The following GBA2 variants were observed in gnomAD, a reference collection of about 807,000 sequenced individuals.
GBA2 encodes glucosylceramidase beta 2.
GBA2 carries 79 observed loss-of-function variants against 112.9 expected under a neutral mutation model. The ratio of observed to expected loss-of-function variants is 0.70; its 90% CI spans 0.58 to 0.84. The LOEUF (loss-of-function observed/expected upper bound fraction) is 0.84, where lower values mean the gene tolerates loss of function less well. Ranked by LOEUF, GBA2 falls within the 40% of genes least tolerant of loss-of-function variation. The pLI, the probability that GBA2 is intolerant of heterozygous loss-of-function variation, is 0.00. For missense variants in GBA2, 1,043 were observed against 1,190.0 expected (o/e 0.88, Z 1.82); for synonymous variants, 403 against 434.3 (o/e 0.93, Z 0.90).
In GBA2 at chr9:35,739,167, A is replaced by G. The variant is rs193035290; in HGVS notation, c.1688-58T>C. On this transcript the variant is annotated intron_variant, in intron 10 of 16. Coordinates refer to ENST00000378103, the MANE Select transcript of GBA2 (RefSeq NM_020944.3). ...TGGGCATGCCTGAGGAGGGGCACACAGCTATGTGTGTGACTGCAGTGGGGA... is the reference window on the plus strand; with the variant it reads ...TGGGCATGCCTGAGGAGGGGCACACGGCTATGTGTGTGACTGCAGTGGGGA... 2.2e-4 allele frequency: 257 copies of G among 1,194,648 alleles called. 1 individual carries two copies. The African/African-American group carries it at 3.0e-3, about 14-fold the overall frequency. 74.0% of individuals were successfully genotyped at this position (1,194,648 alleles called of 1,614,324 possible).
At position 35,740,393 on chromosome 9, in the gene GBA2, G is replaced by A. The variant is rs1311840855; in HGVS notation, c.1130-31C>T. On this transcript the variant is annotated intron_variant, in intron 6 of 16. Transcript: ENST00000378103. The surrounding 1 kb of genome is among the most constrained non-coding windows in gnomAD (Gnocchi z 4.7). ...AGAAACACAAGAGAATTCAGGACAGGAGCCCCTTCAGCCCCAGGGATAGGG... is the reference window on the plus strand; with the variant it reads ...AGAAACACAAGAGAATTCAGGACAGAAGCCCCTTCAGCCCCAGGGATAGGG... The A allele has an allele frequency of 1.9e-6, 3 of 1,609,120 alleles. No homozygotes were observed. The highest frequency in any genetic ancestry group is 1.7e-6 in the Non-Finnish European group (2 of 1,178,090).
chr9:35,745,847 A>G (rs1826945009), intron 1 of GBA2, among the ~76,000 whole-genome samples: 1 of 152,130 alleles, frequency 6.6e-6, no homozygotes, highest in African/African-American at 2.4e-5. Context: ...CTGCCACATT[A>G]TGCCTACTGT....
chr9:35,747,128 A>C (rs1827007813), intron 1 of GBA2, among the ~76,000 whole-genome samples: 1 of 152,080 alleles, frequency 6.6e-6, no homozygotes, highest in African/African-American at 2.4e-5. Context: ...CTATTCCAAA[A>C]GCCTTGTATC....
intron 8 of GBA2, 76 bp downstream of exon 8, chr9:35,739,922 G>T: frequency 6.4e-7 from 1 of 1,573,566 alleles, no homozygotes; most frequent in Non-Finnish European, 8.7e-7. Flanking sequence ...TGACTTTGGT[G>T]GGTGGAGAGT....
chr9:35,742,417 G>A (rs1379491014), intron 3 of GBA2, among the ~76,000 whole-genome samples: 5 of 152,102 alleles, frequency 3.3e-5, no homozygotes, highest in South Asian at 2.1e-4. Context: ...ATGCTTGTTC[G>A]CTATCTGGTG....
In GBA2 at chr9:35,748,929, T is replaced by C. The variant is rs1827148738; in HGVS notation, c.-225A>G. The C allele has an allele frequency of 6.9e-6, 3 of 437,620 alleles. No homozygotes were observed. The highest frequency in any genetic ancestry group is 3.6e-5 in the East Asian group (1 of 28,124). 27.1% of individuals were successfully genotyped at this position (437,620 alleles called of 1,614,324 possible). A position where few individuals can be genotyped will look rare whatever the true frequency, so the allele number is the denominator to read the frequency against. ...CTCCTTCGGTTGTCTCTGTAGGTCC[T>C]GGACGGGAAGGGTCGGGCCTCGTCG... On this transcript the variant is annotated 5_prime_UTR_variant, in exon 1 of 17. Coordinates refer to ENST00000378103, the MANE Select transcript of GBA2 (RefSeq NM_020944.3).
rs1297303518 is a variant in GBA2, at chr9:35,748,332, T to C, written c.359+14A>G. ...GTGAAGCCAAAGGCATTCTAGGCAA[T>C]GGGGTCTACTCACCTCAAGCCCATG... On this transcript the variant is annotated intron_variant, in intron 1 of 16. Coordinates refer to ENST00000378103, the MANE Select transcript of GBA2 (RefSeq NM_020944.3). 2.7e-6 allele frequency: 4 copies of C among 1,480,244 alleles called. No homozygotes were observed. 91.7% of individuals were successfully genotyped at this position (1,480,244 alleles called of 1,614,324 possible). A position where few individuals can be genotyped will look rare whatever the true frequency, so the allele number is the denominator to read the frequency against.
In GBA2 at chr9:35,738,110, C is replaced by T. The variant is rs62637647; in HGVS notation, c.2240G>A (p.Arg747His). Residue 747 changes from arginine to histidine, a missense_variant, in exon 15 of 17, where the codon CGT becomes CAT. Physicochemically the swap from Arg to His is conservative, Grantham distance 29. Coordinates refer to ENST00000378103, the MANE Select transcript of GBA2 (RefSeq NM_020944.3). Reference sequence around the variant, plus strand: ...AGCACACTGGTCAGACATAACACTACGAGACTGAGGCCGAGAGCTGCTGTC... The same window carrying T: ...AGCACACTGGTCAGACATAACACTATGAGACTGAGGCCGAGAGCTGCTGTC... ...NYDSSSRPQSRSVMSDQCAGQ... is the reference protein window; with the variant it reads ...NYDSSSRPQSHSVMSDQCAGQ... 55 of 1,613,904 alleles carry T rather than the reference C, an allele frequency of 3.4e-5. No individual in the cohort carries two copies. Among genetic ancestry groups the T allele is most frequent in the South Asian group, 1.9e-4 (17 of 91,076 alleles).
At chr9:35,738,412 C>T (rs1588005749) in intron 13 of GBA2, 38 bp from the exon 14 acceptor site, 1 of 1,607,356 alleles carries the variant, frequency 6.2e-7, no homozygotes, top group Non-Finnish European at 8.5e-7. Context: ...AGACTGGCAG[C>T]TCCAGCTGCT....
chr9:35,738,010 C>G (rs375817378), intron 15 of GBA2, 27 bp downstream of exon 15: 373 of 1,593,042 alleles, frequency 2.3e-4, no homozygotes, highest in Non-Finnish European at 3.1e-4. Context: ...CCATTTTTCT[C>G]TCTGGCTGCT....
chr9:35,741,359 A>G lies in GBA2; in HGVS notation c.787-295T>C, dbSNP rs1374171655. 7.9e-6 allele frequency: 4 copies of G among 509,478 alleles called. No individual in the cohort carries two copies. The highest frequency in any genetic ancestry group is 1.4e-5 in the Non-Finnish European group (4 of 287,204). The allele number at this position is 509,478 out of a possible 1,614,324, so 31.6% of individuals were successfully genotyped here. A position where few individuals can be genotyped will look rare whatever the true frequency, so the allele number is the denominator to read the frequency against. On this transcript the variant is annotated intron_variant, in intron 4 of 16. Coordinates refer to ENST00000378103, the MANE Select transcript of GBA2 (RefSeq NM_020944.3). The surrounding 1 kb of genome is among the most constrained non-coding windows in gnomAD (Gnocchi z 4.6). ...TTTTTTTGGGGGGTGCGGTGGCGCA[A>G]TCTCGGCTCACTGCAAGCTCCGCCT...
Position 35,740,225 on chromosome 9 carries a change from C to G in GBA2, c.1267G>C (p.Gly423Arg), listed in dbSNP as rs79325774. The G allele has an allele frequency of 1.2e-6, 2 of 1,614,110 alleles. No individual in the cohort carries two copies. The highest frequency in any genetic ancestry group is 2.2e-5 in the South Asian group (2 of 91,088). ...DMPRIMFGAK[G>R]QVHYRRYTRF... The stretch of plus-strand genomic sequence containing the variant: ...TCCCCTCACCTGTAGTGGACTTGGC[C>G]TTTAGCTCCAAACATGATCCTGGGC... Residue 423 changes from glycine (G) to arginine (R), a missense_variant, in exon 7 of 17, where the codon GGC becomes CGC. By Grantham distance (125) the Gly-to-Arg change is moderately radical. Coordinates refer to ENST00000378103, the MANE Select transcript of GBA2 (RefSeq NM_020944.3). The surrounding 1 kb of genome is among the most constrained non-coding windows in gnomAD (Gnocchi z 4.7).
In GBA2 at chr9:35,741,329, T is replaced by C. The variant is rs544210566; in HGVS notation, c.787-265A>G. 1 of 491,596 alleles carries C rather than the reference T, an allele frequency of 2.0e-6. No individual in the cohort carries two copies. Among genetic ancestry groups the C allele is most frequent in the Non-Finnish European group, 3.6e-6 (1 of 277,890 alleles). The allele number at this position is 491,596 out of a possible 1,614,324, so 30.5% of individuals were successfully genotyped here. On this transcript the variant is annotated intron_variant, in intron 4 of 16. Transcript: ENST00000378103. The surrounding 1 kb of genome is among the most constrained non-coding windows in gnomAD (Gnocchi z 4.6). Reference sequence around the variant, plus strand: ...CTTTCACAGGCCATGCAGTTTCTTTTTTTTTTTTTTTGGGGGGTGCGGTGG... The same window carrying C: ...CTTTCACAGGCCATGCAGTTTCTTTCTTTTTTTTTTTGGGGGGTGCGGTGG...
Position 35,746,852 on chromosome 9 carries a change from T to C in GBA2, c.359+1494A>G, listed in dbSNP as rs1320406637. On this transcript the variant is annotated intron_variant, in intron 1 of 16. Transcript: ENST00000378103. This position sits in a 1 kb window ranked among gnomAD's most constrained non-coding sequence, Gnocchi z 5.2. Reference sequence around the variant, plus strand: ...GCATGGAACAAGCACTCAATAAATATTTATTGAATGAGTGGACTCTGGCTG... The same window carrying C: ...GCATGGAACAAGCACTCAATAAATACTTATTGAATGAGTGGACTCTGGCTG... Among the ~76,000 whole-genome samples the C allele has an allele frequency of 1.3e-5, 2 of 152,110 alleles. No individual in the cohort carries two copies. The highest frequency in any genetic ancestry group is 2.9e-5 in the Non-Finnish European group (2 of 68,006).
At chr9:35,742,996 G>A (rs1323219001) in intron 3 of GBA2, among the ~76,000 whole-genome samples, 2 of 152,154 alleles carry the variant, frequency 1.3e-5, no homozygotes, top group South Asian at 4.1e-4. Context: ...CACAACAAGG[G>A]TTTATGTAAC....
intron 12 of GBA2, 58 bp downstream of exon 12, chr9:35,738,694 T>C: frequency 6.2e-7 from 1 of 1,606,002 alleles, no homozygotes; most frequent in Non-Finnish European, 8.5e-7. Context: ...CCAGCTAGGC[T>C]CTTCCCAGAC....
chr9:35,747,863 GAAGA>G (rs1001000455), intron 1 of GBA2, among the ~76,000 whole-genome samples: 3 of 152,236 alleles, frequency 2.0e-5, no homozygotes, highest in Non-Finnish European at 4.4e-5. Context: ...GCTAAAGCTT[GAAGA>G]AAGAAGCAGT....
rs1412443554 is a variant in GBA2, at chr9:35,739,623, T to C, written c.1582+5A>G. 3 of 1,613,108 alleles carry C rather than the reference T, an allele frequency of 1.9e-6. No individual in the cohort carries two copies. Among genetic ancestry groups the C allele is most frequent in the East Asian group, 4.5e-5 (2 of 44,868 alleles). On this transcript the variant is annotated splice_donor_5th_base_variant and intron_variant, in intron 9 of 16. Transcript: ENST00000378103. ...GCCATATCCCAGCCCACCAGCATCC[T>C]GTACCCTCAAGGTAGCCAAATCGAC...
At position 35,748,781 on chromosome 9, in the gene GBA2, G is replaced by A. The variant is rs1457713031; in HGVS notation, c.-77C>T. ...CCTATTCCAGATGCGGGCGCCGGTCGTTGTTAGGTATCGTCCCGGAGGGCC... is the reference window on the plus strand; with the variant it reads ...CCTATTCCAGATGCGGGCGCCGGTCATTGTTAGGTATCGTCCCGGAGGGCC... On this transcript the variant is annotated 5_prime_UTR_variant, in exon 1 of 17. It adds an upstream start codon to the 5' untranslated region. Coordinates refer to ENST00000378103, the MANE Select transcript of GBA2 (RefSeq NM_020944.3). 4 of 901,188 alleles carry A rather than the reference G, an allele frequency of 4.4e-6. No individual in the cohort carries two copies. Among genetic ancestry groups the A allele is most frequent in the Non-Finnish European group, 6.8e-6 (4 of 590,198 alleles). The allele number at this position is 901,188 out of a possible 1,614,324, so 55.8% of individuals were successfully genotyped here.
Sources: gnomAD v4.1 joint callset for allele counts (sites outside exome capture counted in the v4.1 genomes callset) on GRCh38, gnomAD v4.1.1 for gene constraint, Gnocchi (gnomAD v3.1) non-coding constraint, MANE v1.5 for transcripts, NCBI Gene and HGNC (gene_info 2026-07-23, HGNC 2026-07-21) for gene names.